TXLNB: variants seen among roughly 807,000 people sequenced by gnomAD.
The protein encoded by TXLNB is beta-taxilin.
In TXLNB, 37 loss-of-function variants were observed where a neutral mutation model predicts 57.4. The observed-to-expected ratio is 0.64, with a 90% confidence interval of 0.50 to 0.85. The LOEUF is 0.85. TXLNB is among the 40% of genes least tolerant of loss of function. TXLNB has a pLI of 0.00. For missense variants in TXLNB, 848 were observed against 825.6 expected (o/e 1.03, Z -0.33); for synonymous variants, 302 against 309.6 (o/e 0.98, Z 0.26).
At chr6:139,245,785 C>T (rs1273677223) in intron 8 of TXLNB, among the ~76,000 whole-genome samples, 2 of 152,096 alleles carry the variant, frequency 1.3e-5, no homozygotes, top group Non-Finnish European at 2.9e-5. Context: ...CTCTGCCTCC[C>T]GAGTTCAAGC....
chr6:139,246,531 A>G (rs6570320), intron 8 of TXLNB, among the ~76,000 whole-genome samples: 72,206 of 152,042 alleles, frequency 0.47, 20,330 homozygotes, highest in African/African-American at 0.79. Flanking sequence ...TGAAAAATAC[A>G]TGTAAAAAGT....
the TXLNB span, among the ~76,000 whole-genome samples, chr6:139,210,840 C>A: frequency 1.2e-4 from 18 of 152,258 alleles, no homozygotes; most frequent in Non-Finnish European, 2.2e-4. Context: ...TTATATCCCG[C>A]GCCTAGCTCG....
At chr6:139,246,706 G>A (rs1776074204) in intron 8 of TXLNB, among the ~76,000 whole-genome samples, 1 of 152,082 alleles carries the variant, frequency 6.6e-6, no homozygotes, top group African/African-American at 2.4e-5. Context: ...CATGAGGTCA[G>A]GAGTTCGAGA....
chr6:139,178,094 A>G, the TXLNB span: 1 of 152,140 alleles, frequency 6.6e-6, no homozygotes, highest in Non-Finnish European at 1.5e-5. Flanking sequence ...GAGGGAAGGG[A>G]AAAAAGTGTG....
chr6:139,312,398 T>A, the TXLNB span, among the ~76,000 whole-genome samples: 1 of 152,236 alleles, frequency 6.6e-6, no homozygotes, highest in Admixed American at 6.5e-5. Flanking sequence ...ACATGACCCT[T>A]ACTCTGTTGA....
At chr6:139,303,394 A>G in the TXLNB span, among the ~76,000 whole-genome samples, 3 of 152,328 alleles carry the variant, frequency 2.0e-5, no homozygotes, top group Admixed American at 6.5e-5. Context: ...TGAAATGCAA[A>G]TAAAACATTC....
chr6:139,207,622 A>G, the TXLNB span, among the ~76,000 whole-genome samples: 1 of 152,366 alleles, frequency 6.6e-6, no homozygotes, highest in Non-Finnish European at 1.5e-5. Flanking sequence ...AAGAAAAGAA[A>G]TAACAAAGAT....
downstream of TXLNB, among the ~76,000 whole-genome samples, chr6:139,236,860 A>G (rs1280873001): frequency 6.6e-6 from 1 of 151,994 alleles, no homozygotes; most frequent in African/African-American, 2.4e-5. Context: ...TGATCCACCC[A>G]CCTTGGCCTC....
the TXLNB span, among the ~76,000 whole-genome samples, chr6:139,312,691 T>G: frequency 6.6e-6 from 1 of 152,238 alleles, no homozygotes; most frequent in African/African-American, 2.4e-5. Context: ...TGGATAAGGA[T>G]TATTTTAAGC....
chr6:139,272,190 C>T (rs960454873), intron 3 of TXLNB, among the ~76,000 whole-genome samples: 12 of 152,106 alleles, frequency 7.9e-5, no homozygotes, highest in Admixed American at 5.9e-4. Flanking sequence ...ACCTGTAATC[C>T]CAGCTACTTG....
chr6:139,229,613 A>G, the TXLNB span, among the ~76,000 whole-genome samples: 2 of 152,142 alleles, frequency 1.3e-5, no homozygotes, highest in Non-Finnish European at 2.9e-5. Flanking sequence ...GTGAGCCACC[A>G]TGCCTGGCCT....
At chr6:139,307,337 A>G in the TXLNB span, among the ~76,000 whole-genome samples, 1 of 152,160 alleles carries the variant, frequency 6.6e-6, no homozygotes, top group South Asian at 2.1e-4. Context: ...CTACAGGTGT[A>G]TGACACCACC....
chr6:139,317,587 G>T, the TXLNB span, among the ~76,000 whole-genome samples: 1 of 152,052 alleles, frequency 6.6e-6, no homozygotes, highest in African/African-American at 2.4e-5. Context: ...TTTTAGTAGA[G>T]ACAGGGTTTC....
intron 7 of TXLNB, among the ~76,000 whole-genome samples, chr6:139,250,299 T>C (rs936715604): frequency 2.0e-5 from 3 of 151,362 alleles, no homozygotes; most frequent in African/African-American, 7.3e-5. Context: ...CAGCCAATCA[T>C]GTGCAATGCA....
At chr6:139,168,894 T>G in the TXLNB span, among the ~76,000 whole-genome samples, 2 of 152,230 alleles carry the variant, frequency 1.3e-5, no homozygotes, top group African/African-American at 2.4e-5. Context: ...AGACATTTCT[T>G]TACTGTCTCC....
chr6:139,288,386 T>G, intron 2 of TXLNB, 90 bp downstream of exon 2: 1 of 1,243,316 alleles, frequency 8.0e-7, no homozygotes, highest in East Asian at 2.3e-5. Context: ...ATCCAAATAT[T>G]GGATGTGGCT....
chr6:139,176,847 C>T, the TXLNB span: 1 of 742,158 alleles, frequency 1.3e-6, no homozygotes, highest in Admixed American at 2.1e-5. The surrounding 1 kb of genome is among the most constrained non-coding windows in gnomAD (Gnocchi z 4.5). Flanking sequence ...TTTGCAAAGC[C>T]CTTGATCAGT....
chr6:139,220,925 G>T, the TXLNB span, among the ~76,000 whole-genome samples: 1 of 152,158 alleles, frequency 6.6e-6, no homozygotes, highest in Non-Finnish European at 1.5e-5. Context: ...TGAAATTGAT[G>T]CTCAAGAGAC....
the TXLNB span, chr6:139,167,024 G>A: frequency 4.3e-6 from 7 of 1,614,038 alleles, no homozygotes; most frequent in Non-Finnish European, 5.9e-6. Flanking sequence ...GGGACACTTC[G>A]ACACCCCCGT....
Sources: gnomAD v4.1 joint callset for allele counts (sites outside exome capture counted in the v4.1 genomes callset) on GRCh38, gnomAD v4.1.1 for gene constraint, Gnocchi (gnomAD v3.1) non-coding constraint, MANE v1.5 for transcripts, NCBI Gene and HGNC (gene_info 2026-07-23, HGNC 2026-07-21) for gene names.